ZFYVE26: variants seen among roughly 807,000 people sequenced by gnomAD.
ZFYVE26 encodes the protein zinc finger FYVE domain-containing protein 26.
Under a neutral mutation model 276.5 loss-of-function variants are expected in ZFYVE26, and 181 were observed. That is an observed-to-expected ratio of 0.65 (90% CI 0.58 to 0.74). The LOEUF (loss-of-function observed/expected upper bound fraction) is 0.74, where lower values mean the gene tolerates loss of function less well. Ranked by LOEUF, ZFYVE26 falls within the 30% of genes least tolerant of loss-of-function variation. The probability of loss-of-function intolerance (pLI) is 0.00; values close to 1 mark genes in which losing one functional copy is unlikely to be tolerated. For synonymous variants in ZFYVE26, 1,129 were observed against 1,203.1 expected (o/e 0.94, Z 1.27); for missense variants, 2,821 against 3,097.9 (o/e 0.91, Z 2.12).
intron 13 of ZFYVE26, 67 bp from the exon 14 acceptor site, chr14:67,793,826 C>T: frequency 3.1e-6 from 5 of 1,599,698 alleles, no homozygotes; most frequent in South Asian, 1.1e-5. Context: ...TATATTGCTG[C>T]CACCTCCCAC....
At position 67,816,262 on chromosome 14, in the gene ZFYVE26, G is replaced by T. The variant is rs1594944900; in HGVS notation, c.-83-216C>A. On this transcript the variant is annotated intron_variant, in intron 1 of 41. Coordinates refer to ENST00000347230, the MANE Select transcript of ZFYVE26 (RefSeq NM_015346.4). ...TTTAATAATATTAATAGTCATATTT[G>T]CTCCGGGCGCAGACCCATAACTCTA... Among the ~76,000 whole-genome samples the T allele has an allele frequency of 3.9e-5, 6 of 152,216 alleles. No individual in the cohort carries two copies. In the South Asian group the frequency reaches 1.2e-3, roughly 32 times the overall value.
Position 67,754,165 on chromosome 14 carries a change from T to C in ZFYVE26, c.7034A>G (p.His2345Arg). 6.2e-7 allele frequency: 1 copy of C among 1,614,258 alleles called. No individual in the cohort carries two copies. The highest frequency in any genetic ancestry group is 8.5e-7 in the Non-Finnish European group (1 of 1,180,046). Reference protein sequence around the residue: ...QLQMEVTRFLHRCESAGTSQI... With the variant: ...QLQMEVTRFLRRCESAGTSQI... ...AGAGGTCCCAGCACTTTCGCACCGA[T>C]GCAAGAACCTGGTCACTTCCATCTG... The change falls in exon 38 of 42, where the codon CAT (histidine) becomes CGT (arginine). Residue 2345 changes from histidine to arginine, a missense_variant. His to Arg is a conservative substitution (Grantham distance 29). Transcript: ENST00000347230.
chr14:67,807,378 C>T lies in ZFYVE26; in HGVS notation c.886+20G>A. ...ACTGGAATTACTGAAACTAAAGGAGCAGCAGCAAAGGGAACACACCTTTTC... is the reference window on the plus strand; with the variant it reads ...ACTGGAATTACTGAAACTAAAGGAGTAGCAGCAAAGGGAACACACCTTTTC... On this transcript the variant is annotated intron_variant, in intron 5 of 41. Transcript: ENST00000347230. 2 of 1,613,870 alleles carry T rather than the reference C, an allele frequency of 1.2e-6. No homozygotes were observed. Among genetic ancestry groups the T allele is most frequent in the Non-Finnish European group, 1.7e-6 (2 of 1,180,016 alleles).
intron 14 of ZFYVE26, chr14:67,729,093 A>T: frequency 2.7e-5 from 32 of 1,181,854 alleles, no homozygotes; most frequent in Non-Finnish European, 3.6e-5. Flanking sequence ...ATGTTTCCTG[A>T]GTCCCTCCTT....
At position 67,798,522 on chromosome 14, in the gene ZFYVE26, T is replaced by C. The variant is rs985545374; in HGVS notation, c.1740A>G (p.Ser580=). The C allele has an allele frequency of 2.5e-6, 4 of 1,613,926 alleles. No homozygotes were observed. The highest frequency in any genetic ancestry group is 2.2e-5 in the East Asian group (1 of 44,870). ...LCLELLENIF[S]LLLITSADLH... Reference sequence around the variant, plus strand: ...GATCAGCAGAGGTGATGAGAAGCAATGAGAAGATGTTTTCCAGAAGCTCCA... The same window carrying C: ...GATCAGCAGAGGTGATGAGAAGCAACGAGAAGATGTTTTCCAGAAGCTCCA... The change falls in exon 11 of 42, where the codon TCA becomes TCG. Residue 580 remains serine, a synonymous_variant. Coordinates refer to ENST00000347230, the MANE Select transcript of ZFYVE26 (RefSeq NM_015346.4).
chr14:67,789,533 G>A lies in ZFYVE26; in HGVS notation c.2821C>T (p.Pro941Ser). 6.2e-7 allele frequency: 1 copy of A among 1,614,172 alleles called. No homozygotes were observed. Among genetic ancestry groups the A allele is most frequent in the Non-Finnish European group, 8.5e-7 (1 of 1,180,042 alleles). ...ATCCAAAAGTCCTCCTGGAGCATGG[G>A]GATGGGGTCTCCAGAGGTGTTGAGC... The part of the protein sequence containing the change: ...KLLNTSGDPI[P>S]MLQEDFWIST... Residue 941 changes from proline (P) to serine (S), a missense_variant, in exon 16 of 42, where the codon CCC becomes TCC. By Grantham distance (74) the Pro-to-Ser change is moderately conservative. Transcript: ENST00000347230.
At chr14:67,761,322 G>A (rs758949298) in intron 35 of ZFYVE26, 44 bp downstream of exon 35, 10 of 1,551,496 alleles carry the variant, frequency 6.4e-6, no homozygotes, top group South Asian at 1.2e-5. Flanking sequence ...CAAGCCAGAG[G>A]AGTAAGGCAG....
intron 26 of ZFYVE26, among the ~76,000 whole-genome samples, 159 bp downstream of exon 26, chr14:67,775,701 C>T (rs1247281214): frequency 6.6e-6 from 1 of 152,174 alleles, no homozygotes; most frequent in African/African-American, 2.4e-5. Context: ...CCTCCAAGAC[C>T]AAGATCTCTC....
chr14:67,761,174 G>A, intron 35 of ZFYVE26, 192 bp downstream of exon 35: 2 of 705,542 alleles, frequency 2.8e-6, no homozygotes, highest in African/African-American at 1.7e-5. Context: ...TTGGGATCTA[G>A]GCTAAGACTT....
At position 67,772,223 on chromosome 14, in the gene ZFYVE26, G is replaced by T. The variant is rs757872181; in HGVS notation, c.5321-13C>A. On this transcript the variant is annotated splice_polypyrimidine_tract_variant and intron_variant, in intron 27 of 41. Transcript: ENST00000347230. ...ATACTGGAGATACCTGGGAGGCAGA[G>T]CCAGAGGTCAGAGTAAAAGGTAATC... The T allele has an allele frequency of 4.3e-6, 7 of 1,611,454 alleles. No individual in the cohort carries two copies. Among genetic ancestry groups the T allele is most frequent in the African/African-American group, 1.3e-5 (1 of 74,904 alleles).
intron 21 of ZFYVE26, 43 bp downstream of exon 21, chr14:67,782,737 A>G: frequency 6.2e-7 from 1 of 1,612,610 alleles, no homozygotes; most frequent in South Asian, 1.1e-5. Flanking sequence ...TGAATACCAA[A>G]TATTACCACT....
Position 67,814,043 on chromosome 14 carries a change from A to G in ZFYVE26, c.216T>C (p.Pro72=), listed in dbSNP as rs143702416. 234 of 1,613,854 alleles carry G rather than the reference A, an allele frequency of 1.4e-4. No individual in the cohort carries two copies. In the African/African-American group the frequency reaches 2.7e-3, roughly 19 times the overall value. The part of the protein sequence containing the change: ...NLLRCGQDIN[P]QRVAWVWLLV... ...GAAGCCAGACCCAGGCTACTCTTTGAGGGTTGATGTCCTGCCCACATCTGA... is the reference window on the plus strand; with the variant it reads ...GAAGCCAGACCCAGGCTACTCTTTGGGGGTTGATGTCCTGCCCACATCTGA... Residue 72 remains proline (P), a synonymous_variant, in exon 3 of 42, where the codon CCT becomes CCC. Coordinates refer to ENST00000347230, the MANE Select transcript of ZFYVE26 (RefSeq NM_015346.4).
At chr14:67,765,284 G>A (rs756683063) in intron 32 of ZFYVE26, among the ~76,000 whole-genome samples, 9 of 151,890 alleles carry the variant, frequency 5.9e-5, no homozygotes, top group African/African-American at 2.2e-4. Context: ...TAACATTTTC[G>A]GAATACACAG....
chr14:67,775,162 C>T, intron 26 of ZFYVE26, 48 bp from the exon 27 acceptor site: 16 of 1,288,788 alleles, frequency 1.2e-5, no homozygotes, highest in East Asian at 2.4e-5. Context: ...CCATAAGTAT[C>T]TTGATTCACC....
chr14:67,744,719 C>T (rs1483401081), downstream of ZFYVE26, among the ~76,000 whole-genome samples: 1 of 152,188 alleles, frequency 6.6e-6, no homozygotes, highest in Non-Finnish European at 1.5e-5. Context: ...CAGCTTCATC[C>T]ATGTCCCTGC....
chr14:67,762,344 G>A lies in ZFYVE26; in HGVS notation c.6228C>T (p.Ala2076=), dbSNP rs762113501. Residue 2076 remains alanine (A), a synonymous_variant, in exon 34 of 42, where the codon GCC becomes GCT. Transcript: ENST00000347230. Reference sequence around the variant, plus strand: ...TCTCCCGTGCAGCAGTGAGGTTCCCGGCTTTGAGGCAGGCCATGCCCCAAG... The same window carrying A: ...TCTCCCGTGCAGCAGTGAGGTTCCCAGCTTTGAGGCAGGCCATGCCCCAAG... The part of the protein sequence containing the change: ...WHAWGMACLK[A]GNLTAAREKF... 5.0e-6 allele frequency: 8 copies of A among 1,614,204 alleles called. No homozygotes were observed. Among genetic ancestry groups the A allele is most frequent in the African/African-American group, 1.3e-5 (1 of 75,054 alleles).
At chr14:67,736,755 G>A (rs1362562285) in intron 13 of ZFYVE26, among the ~76,000 whole-genome samples, 4 of 152,182 alleles carry the variant, frequency 2.6e-5, no homozygotes, top group Non-Finnish European at 5.9e-5. Context: ...TTTGCACACA[G>A]CAAATTTATT....
At chr14:67,794,440 T>C (rs967831040) in intron 12 of ZFYVE26, among the ~76,000 whole-genome samples, 1 of 152,090 alleles carries the variant, frequency 6.6e-6, no homozygotes, top group African/African-American at 2.4e-5. Flanking sequence ...GGCAACAGAG[T>C]TCACCTGGGT....
chr14:67,755,477 G>A (rs1002658756), intron 36 of ZFYVE26, among the ~76,000 whole-genome samples: 1 of 152,110 alleles, frequency 6.6e-6, no homozygotes, highest in African/African-American at 2.4e-5. Flanking sequence ...CCACCGAAGA[G>A]ATGCTAAAAG....
Sources: gnomAD v4.1 joint callset for allele counts (sites outside exome capture counted in the v4.1 genomes callset) on GRCh38, gnomAD v4.1.1 for gene constraint, MANE v1.5 for transcripts, NCBI Gene and HGNC (gene_info 2026-07-23, HGNC 2026-07-21) for gene names.